The following STN1 variants were observed in gnomAD, a reference collection of about 807,000 sequenced individuals.
STN1 encodes STN1 subunit of CST complex.
In STN1, 29 loss-of-function variants were observed where a neutral mutation model predicts 45.5. The ratio of observed to expected loss-of-function variants is 0.64; its 90% CI spans 0.47 to 0.87. STN1 has a LOEUF of 0.87. STN1 is among the 40% of genes least tolerant of loss of function. STN1 has a pLI of 0.00. For missense variants in STN1, 376 were observed against 441.4 expected, an observed-to-expected ratio of 0.85 and a Z score of 1.33; for synonymous variants, 148 against 159.0, an observed-to-expected ratio of 0.93 and a Z score of 0.52.
At chr10:103,887,228 T>C (rs1843109379) in intron 9 of STN1, among the ~76,000 whole-genome samples, 1 of 152,234 alleles carries the variant, frequency 6.6e-6, no homozygotes, top group South Asian at 2.1e-4. Context: ...ACTGTTGACC[T>C]CTAGAAGGCA....
rs1843341917 is a variant in STN1 at position 103,917,520 on chromosome 10, G to C, written c.75C>G (p.Ala25=). The C allele has an allele frequency of 1.3e-5, 21 of 1,613,996 alleles. No individual in the cohort carries two copies. Among genetic ancestry groups the C allele is most frequent in the Non-Finnish European group, 1.7e-5 (20 of 1,179,994 alleles). The change falls in exon 2 of 10, where the codon GCC becomes GCG. Residue 25 remains alanine (A), a synonymous_variant. Transcript: ENST00000224950. The part of the protein sequence containing the change: ...LLWGLDPVFL[A]FAKLYIRDIL... The stretch of plus-strand genomic sequence containing the variant: ...TATCCCTGATGTAGAGTTTTGCAAA[G>C]GCTAGAAACACAGGATCCAAACCCC...
At chr10:103,917,196 C>T (rs1230781134) in intron 2 of STN1, among the ~76,000 whole-genome samples, 4 of 137,874 alleles carry the variant, frequency 2.9e-5, no homozygotes, top group Non-Finnish European at 4.6e-5. Context: ...CATTTTTAAG[C>T]ATGAAAGACC....
chr10:103,898,776 A>G (rs538584939), intron 6 of STN1, 101 bp downstream of exon 6: 557 of 1,393,716 alleles, frequency 4.0e-4, no homozygotes, highest in Non-Finnish European at 5.2e-4. Context: ...GCATAGGTGG[A>G]TGATTCGGGA....
At chr10:103,883,997 GGA>G (rs1843087784) in intron 9 of STN1, among the ~76,000 whole-genome samples, 1 of 146,436 alleles carries the variant, frequency 6.8e-6, no homozygotes, top group Admixed American at 7.1e-5. Flanking sequence ...GGTTGAGGCA[GGA>G]GAATCACTTG....
At position 103,881,131 on chromosome 10, in the gene STN1, G is replaced by A. The variant is rs1416922277; in HGVS notation, c.*1553C>T. ...TAGTATTTCATTGTGCCCAAGAACCGTAATTAACTTTTTCCCTATAGGTAT... is the reference window on the plus strand; with the variant it reads ...TAGTATTTCATTGTGCCCAAGAACCATAATTAACTTTTTCCCTATAGGTAT... On this transcript the variant is annotated 3_prime_UTR_variant, in exon 10 of 10. Transcript: ENST00000224950. Among the ~76,000 whole-genome samples the A allele has an allele frequency of 3.3e-5, 5 of 152,022 alleles. No individual in the cohort carries two copies. The highest frequency in any genetic ancestry group is 4.4e-5 in the Non-Finnish European group (3 of 68,008).
In STN1 at chr10:103,897,548, T is replaced by C; in HGVS notation, c.753A>G (p.Gln251=). Residue 251 remains glutamine (Q), a splice_region_variant and synonymous_variant, in exon 7 of 10, where the codon CAA becomes CAG. Transcript: ENST00000224950. ...TCTCACATGGGCATGCTGCACTCAC[T>C]TGGTCGGAGGAGGCACTGTGAATCA... The part of the protein sequence containing the change: ...QPVIHSASSD[Q]VNFKKDTTSK... The C allele has an allele frequency of 6.2e-7, 1 of 1,613,898 alleles. No individual in the cohort carries two copies. The highest frequency in any genetic ancestry group is 8.5e-7 in the Non-Finnish European group (1 of 1,179,854).
At chr10:103,913,341 A>T (rs1258444165) in intron 2 of STN1, among the ~76,000 whole-genome samples, 1 of 152,136 alleles carries the variant, frequency 6.6e-6, no homozygotes, top group African/African-American at 2.4e-5. Flanking sequence ...AAGGACAGAA[A>T]AGTGAGCCCT....
intron 2 of STN1, among the ~76,000 whole-genome samples, chr10:103,915,806 G>A (rs1343861405): frequency 2.6e-5 from 4 of 152,186 alleles, no homozygotes; most frequent in Non-Finnish European, 5.9e-5. Context: ...AATTTTTCCG[G>A]GGATGGGGGT....
intron 5 of STN1, among the ~76,000 whole-genome samples, 155 bp from the exon 6 acceptor site, chr10:103,899,155 C>A (rs1409788292): frequency 2.0e-5 from 3 of 152,204 alleles, no homozygotes; most frequent in Non-Finnish European, 2.9e-5. Context: ...TCTAGATGCA[C>A]TAAATGGCTC....
chr10:103,890,949 A>C (rs573605585), intron 8 of STN1, among the ~76,000 whole-genome samples: 1 of 152,134 alleles, frequency 6.6e-6, no homozygotes, highest in Non-Finnish European at 1.5e-5. Context: ...TTTCCACCTT[A>C]GCTCCTCCCA....
chr10:103,895,159 AAG>A (rs1178128444), intron 7 of STN1, among the ~76,000 whole-genome samples: 1 of 152,258 alleles, frequency 6.6e-6, no homozygotes, highest in Non-Finnish European at 1.5e-5. Flanking sequence ...TGATAGAAAA[AAG>A]AGTTTCCAAA....
chr10:103,906,698 A>C (rs1031357950), intron 3 of STN1, among the ~76,000 whole-genome samples: 1 of 151,978 alleles, frequency 6.6e-6, no homozygotes, highest in Non-Finnish European at 1.5e-5. Flanking sequence ...ATATAAATTA[A>C]TAAGAAAAAG....
At chr10:103,912,031 C>T (rs1290741441) in intron 2 of STN1, among the ~76,000 whole-genome samples, 3 of 152,080 alleles carry the variant, frequency 2.0e-5, no homozygotes, top group Non-Finnish European at 4.4e-5. Flanking sequence ...CAAGAGATAA[C>T]CTGGTGGTTG....
rs999201077 is a variant in STN1, at chr10:103,880,854, C to T, written c.*1830G>A. On this transcript the variant is annotated 3_prime_UTR_variant, in exon 10 of 10. Coordinates refer to ENST00000224950, the MANE Select transcript of STN1 (RefSeq NM_024928.5). ...TGAAAGCCAAACGCGGAAAGTACTT[C>T]CAGGAGAAGGGAGTGGTCGACTGTG... is the stretch of plus-strand genomic sequence containing the variant. Among the ~76,000 whole-genome samples, 1 of 152,042 alleles carries T rather than the reference C, an allele frequency of 6.6e-6. No individual in the cohort carries two copies. The highest frequency in any genetic ancestry group is 1.5e-5 in the Non-Finnish European group (1 of 68,008).
intron 9 of STN1, among the ~76,000 whole-genome samples, chr10:103,883,268 C>T (rs1270026381): frequency 6.6e-6 from 1 of 151,724 alleles, no homozygotes; most frequent in African/African-American, 2.4e-5. Flanking sequence ...CCGTATGCTT[C>T]CCCCTAAGTC....
chr10:103,910,678 A>G lies in STN1; in HGVS notation c.134-56T>C, dbSNP rs1002030706. 6 of 988,462 alleles carry G rather than the reference A, an allele frequency of 6.1e-6. No homozygotes were observed. In the African/African-American group the frequency reaches 7.9e-5, roughly 13 times the overall value. 61.2% of individuals were successfully genotyped at this position (988,462 alleles called of 1,614,324 possible). ...ATGTATGATTACATTTTCTGCTTCA[A>G]TAAATCTTAACTTGTAGGGGGGAAG... On this transcript the variant is annotated intron_variant, in intron 2 of 9. Coordinates refer to ENST00000224950, the MANE Select transcript of STN1 (RefSeq NM_024928.5).
chr10:103,914,374 A>ATATATATTTTTTTTTTTTTTTT (rs1554837551), intron 2 of STN1, among the ~76,000 whole-genome samples: 1 of 97,416 alleles, frequency 1.0e-5, no homozygotes, highest in African/African-American at 4.9e-5. Context: ...ATATATATAT[A>ATATATATTTTTTTTTTTTTTTT]TTTTTTTTTT....
chr10:103,909,468 ATG>A lies in STN1; in HGVS notation c.229+1057_229+1058del, dbSNP rs1158960702. Among the ~76,000 whole-genome samples, 2 of 71,764 alleles carry A rather than the reference ATG, an allele frequency of 2.8e-5. 1 individual carries two copies. Among genetic ancestry groups the A allele is most frequent in the Non-Finnish European group, 5.4e-5 (2 of 36,926 alleles). The allele number at this position is 71,764 out of a possible 152,430, so 47.1% of individuals were successfully genotyped here. ...TGTATATATGTATATATGTATATAT[ATG>A]TATATATGTATATATATGTGTGTGT... On this transcript the variant is annotated intron_variant, in intron 3 of 9. Coordinates refer to ENST00000224950, the MANE Select transcript of STN1 (RefSeq NM_024928.5).
chr10:103,914,371 TA>T (rs56898781), intron 2 of STN1, among the ~76,000 whole-genome samples: 24 of 9,868 alleles, frequency 2.4e-3, no homozygotes, highest in African/African-American at 3.9e-3. Context: ...TATATATATA[TA>T]TATTTTTTTT....
Sources: gnomAD v4.1 joint callset for allele counts (sites outside exome capture counted in the v4.1 genomes callset) on GRCh38, gnomAD v4.1.1 for gene constraint, MANE v1.5 for transcripts, NCBI Gene and HGNC (gene_info 2026-07-23, HGNC 2026-07-21) for gene names.